RNF216: variants seen among roughly 807,000 people sequenced by gnomAD.
RNF216 encodes the protein E3 ubiquitin-protein ligase RNF216.
A neutral mutation model predicts 110.8 loss-of-function variants in RNF216; 72 were observed. The observed-to-expected ratio is 0.65, with a 90% CI of 0.54 to 0.79. The LOEUF (loss-of-function observed/expected upper bound fraction) is 0.79, where lower values mean the gene tolerates loss of function less well. Ranked by LOEUF, RNF216 falls within the 30% of genes least tolerant of loss-of-function variation. RNF216 has a pLI of 0.00. For synonymous variants in RNF216, 495 were observed against 407.5 expected (o/e 1.21, Z -2.59); for missense variants, 1,342 against 1,141.2 (o/e 1.18, Z -2.54).
intron 1 of RNF216, among the ~76,000 whole-genome samples, chr7:5,768,297 A>G (rs1404872096): frequency 4.0e-4 from 17 of 42,840 alleles, no homozygotes; most frequent in South Asian, 7.0e-4. Context: ...TTAGGGGGAA[A>G]AAAAAAAAAA....
chr7:5,704,667 G>A (rs373633089), intron 13 of RNF216, among the ~76,000 whole-genome samples: 4 of 152,258 alleles, frequency 2.6e-5, no homozygotes, highest in African/African-American at 9.6e-5. Context: ...GTGGCAACTC[G>A]TTCCACAGCC....
intron 5 of RNF216, among the ~76,000 whole-genome samples, chr7:5,736,645 T>C (rs1404676669): frequency 1.4e-5 from 2 of 144,498 alleles, no homozygotes; most frequent in Non-Finnish European, 3.0e-5. Context: ...GAGCGCCTCT[T>C]CCCGGCCACC....
chr7:5,634,034 G>A (rs1166874895), intron 15 of RNF216, among the ~76,000 whole-genome samples: 5 of 152,236 alleles, frequency 3.3e-5, no homozygotes, highest in African/African-American at 9.6e-5. Flanking sequence ...AATCAGATAT[G>A]AACAGTAATC....
At chr7:5,645,320 T>C (rs977116118) in intron 14 of RNF216, among the ~76,000 whole-genome samples, 1 of 152,238 alleles carries the variant, frequency 6.6e-6, no homozygotes, top group Admixed American at 6.5e-5. Flanking sequence ...TTCAATATTC[T>C]TTCTGTTCAT....
chr7:5,637,686 C>G (rs890407668), intron 15 of RNF216, among the ~76,000 whole-genome samples: 5 of 152,088 alleles, frequency 3.3e-5, no homozygotes, highest in African/African-American at 9.7e-5. Flanking sequence ...CAGGTGTGCA[C>G]GCACCACCAC....
At chr7:5,631,118 G>GT (rs1200126059) in intron 15 of RNF216, among the ~76,000 whole-genome samples, 7 of 152,116 alleles carry the variant, frequency 4.6e-5, no homozygotes, top group African/African-American at 1.2e-4. Flanking sequence ...CTTACAAGAC[G>GT]TAACAGGACA....
intron 2 of RNF216, among the ~76,000 whole-genome samples, chr7:5,755,032 T>C (rs1033635238): frequency 1.2e-4 from 7 of 60,548 alleles, no homozygotes; most frequent in Non-Finnish European, 1.9e-4. Flanking sequence ...TATCTCAGGC[T>C]AAAAAAAAAA....
At chr7:5,734,169 G>A (rs950943356) in intron 5 of RNF216, among the ~76,000 whole-genome samples, 1 of 152,110 alleles carries the variant, frequency 6.6e-6, no homozygotes, top group Non-Finnish European at 1.5e-5. Flanking sequence ...GCAGGAGAAT[G>A]TTCACAGCTA....
rs759597276 is a variant in RNF216 at position 5,768,097 on chromosome 7, C to T, written c.-69-6959G>A. ...TTGCACACCTAAAAAACTTAAACCACAATGGAGGAGTATCATTTGGAACTT... is the reference window on the plus strand; with the variant it reads ...TTGCACACCTAAAAAACTTAAACCATAATGGAGGAGTATCATTTGGAACTT... On this transcript the variant is annotated intron_variant, in intron 1 of 16. Coordinates refer to ENST00000389902, the MANE Select transcript of RNF216 (RefSeq NM_207111.4). Among the ~76,000 whole-genome samples, 53 of 151,884 alleles carry T rather than the reference C, an allele frequency of 3.5e-4. 1 individual carries two copies. The highest frequency in any genetic ancestry group is 1.2e-4 in the Non-Finnish European group (8 of 68,008).
In RNF216 at chr7:5,691,915, A is replaced by C. The variant is rs575569793; in HGVS notation, c.2061+19846T>G. The stretch of plus-strand genomic sequence containing the variant: ...ACAGCGGAAGTCAAGACAAGTAATG[A>C]AAGACAGACCCCAGGGGCCGACAGT... On this transcript the variant is annotated intron_variant, in intron 13 of 16. Transcript: ENST00000389902. Among the ~76,000 whole-genome samples, 160 of 152,394 alleles carry C rather than the reference A, an allele frequency of 1.0e-3. 1 individual carries two copies. The highest frequency in any genetic ancestry group is 3.7e-3 in the African/African-American group (153 of 41,602).
chr7:5,721,963 C>T (rs990159268), intron 8 of RNF216, among the ~76,000 whole-genome samples: 1 of 152,260 alleles, frequency 6.6e-6, no homozygotes, highest in Non-Finnish European at 1.5e-5. Flanking sequence ...TGCTCTGCTG[C>T]TCACGCTGGA....
Position 5,652,507 on chromosome 7 carries a change from T to A in RNF216, c.2065A>T (p.Thr689Ser). 6.2e-7 allele frequency: 1 copy of A among 1,610,970 alleles called. No homozygotes were observed. The highest frequency in any genetic ancestry group is 2.2e-5 in the East Asian group (1 of 44,856). Residue 689 changes from threonine (T) to serine (S), a missense_variant, in exon 14 of 17, where the codon ACC (threonine) becomes TCC (serine). Physicochemically the swap from Thr to Ser is moderately conservative, Grantham distance 58. Transcript: ENST00000389902. ...SCPNPHCRKETCRKCQGLWKE... is the reference protein window; with the variant it reads ...SCPNPHCRKESCRKCQGLWKE... ...CAGAGTCCCTGACACTTCCTACAGGTTTCCTGGGGATAAAGGACAGACACA... is the reference window on the plus strand; with the variant it reads ...CAGAGTCCCTGACACTTCCTACAGGATTCCTGGGGATAAAGGACAGACACA...
intron 15 of RNF216, among the ~76,000 whole-genome samples, chr7:5,634,470 C>A (rs550769235): frequency 1.3e-5 from 2 of 152,358 alleles, no homozygotes; most frequent in African/African-American, 4.8e-5. Context: ...TAGCCCCCAC[C>A]CCTTGCTGTC....
intron 13 of RNF216, among the ~76,000 whole-genome samples, chr7:5,708,637 T>C (rs1013199226): frequency 6.6e-6 from 1 of 152,232 alleles, no homozygotes; most frequent in African/African-American, 2.4e-5. Flanking sequence ...CTAATATAAG[T>C]GCTCAGGCTT....
At chr7:5,697,709 C>G (rs1791715818) in intron 13 of RNF216, among the ~76,000 whole-genome samples, 1 of 152,100 alleles carries the variant, frequency 6.6e-6, no homozygotes, top group African/African-American at 2.4e-5. Context: ...TCTTTACAAG[C>G]AATTTGAGGT....
chr7:5,715,112 A>G lies in RNF216; in HGVS notation c.1774T>C (p.Leu592=), dbSNP rs764521549. 1.3e-5 allele frequency: 21 copies of G among 1,614,038 alleles called. No individual in the cohort carries two copies. In the South Asian group the frequency reaches 2.3e-4, roughly 18 times the overall value. The change falls in exon 11 of 17, where the codon TTG becomes CTG. Residue 592 remains leucine, a synonymous_variant. Transcript: ENST00000389902. The part of the protein sequence containing the change: ...EELTQCADAH[L]FCKECLIRYA... ...CTGATGAGACACTCTTTGCAGAACA[A>G]GTGAGCATCTGCGCACTGCGTCAGC...
At chr7:5,737,541 A>T (rs895648369) in intron 5 of RNF216, among the ~76,000 whole-genome samples, 1 of 144,630 alleles carries the variant, frequency 6.9e-6, no homozygotes, top group Non-Finnish European at 1.5e-5. Context: ...TAATAATAAT[A>T]ATAATAAATA....
chr7:5,698,514 C>T (rs560947370), intron 13 of RNF216, among the ~76,000 whole-genome samples: 33 of 152,168 alleles, frequency 2.2e-4, no homozygotes, highest in East Asian at 1.5e-3. Context: ...CTCAGCCTCC[C>T]GAGTAGCTGG....
chr7:5,631,549 C>G (rs116352976), intron 15 of RNF216, among the ~76,000 whole-genome samples: 6 of 152,170 alleles, frequency 3.9e-5, no homozygotes, highest in South Asian at 2.1e-4. Flanking sequence ...GATTTCCTTG[C>G]CTGACATGTT....
Sources: gnomAD v4.1 joint callset for allele counts (sites outside exome capture counted in the v4.1 genomes callset) on GRCh38, gnomAD v4.1.1 for gene constraint, MANE v1.5 for transcripts, NCBI Gene and HGNC (gene_info 2026-07-23, HGNC 2026-07-21) for gene names.